The following PRELID2 variants were observed in gnomAD, a reference collection of about 807,000 sequenced individuals.
PRELID2 encodes the protein PRELI domain-containing protein 2.
Under a neutral mutation model 28.4 loss-of-function variants are expected in PRELID2, and 25 were observed. The ratio of observed to expected loss-of-function variants is 0.88; its 90% CI spans 0.64 to 1.23. The LOEUF is 1.23. PRELID2 is among the 50% of genes most tolerant of loss of function. The pLI, the probability that PRELID2 is intolerant of heterozygous loss-of-function variation, is 0.00. For synonymous variants in PRELID2, 76 were observed against 71.6 expected, an observed-to-expected ratio of 1.06 and a Z score of -0.31; for missense variants, 201 against 214.4, an observed-to-expected ratio of 0.94 and a Z score of 0.39.
intron 1 of PRELID2, among the ~76,000 whole-genome samples, chr5:145,504,378 G>C (rs1752387866): frequency 6.6e-6 from 1 of 152,096 alleles, no homozygotes; most frequent in Admixed American, 6.6e-5. Context: ...ATAAACAGAA[G>C]CTACTAATTT....
chr5:145,582,556 G>T (rs1753116308), intron 1 of PRELID2, among the ~76,000 whole-genome samples: 1 of 151,958 alleles, frequency 6.6e-6, no homozygotes, highest in Admixed American at 6.6e-5. Context: ...TCAAAGCACT[G>T]TCTCAGAGTC....
the PRELID2 span, among the ~76,000 whole-genome samples, chr5:145,366,911 T>C: frequency 5.9e-5 from 9 of 151,898 alleles, no homozygotes; most frequent in African/African-American, 2.2e-4. Flanking sequence ...ATTTATCATA[T>C]TGGAGTAGGA....
At chr5:145,571,929 C>T (rs1251553054) in intron 1 of PRELID2, among the ~76,000 whole-genome samples, 4 of 151,380 alleles carry the variant, frequency 2.6e-5, no homozygotes, top group African/African-American at 9.7e-5. Flanking sequence ...TTGCTGTGAG[C>T]CGAGATTACA....
chr5:145,430,670 G>A, the PRELID2 span, among the ~76,000 whole-genome samples: 37 of 152,060 alleles, frequency 2.4e-4, no homozygotes, highest in African/African-American at 6.5e-4. Context: ...TTTGATTTGC[G>A]TAGTTTTCTT....
the PRELID2 span, among the ~76,000 whole-genome samples, chr5:145,415,080 A>G: frequency 1.1e-4 from 16 of 152,268 alleles, 1 homozygote; most frequent in East Asian, 3.1e-3. Context: ...AAAATTGATC[A>G]CATAATTGGA....
chr5:145,694,597 G>C (rs929672520), intron 1 of PRELID2, among the ~76,000 whole-genome samples: 18 of 152,066 alleles, frequency 1.2e-4, no homozygotes, highest in African/African-American at 3.6e-4. Context: ...ATGAAGTAAG[G>C]TATGACTGTA....
intron 1 of PRELID2, among the ~76,000 whole-genome samples, chr5:145,614,759 T>A (rs908068318): frequency 6.6e-6 from 1 of 152,132 alleles, no homozygotes; most frequent in Non-Finnish European, 1.5e-5. Flanking sequence ...AGATAAACAA[T>A]CATATCATCA....
the PRELID2 span, among the ~76,000 whole-genome samples, chr5:145,252,921 A>G: frequency 6.6e-6 from 1 of 152,176 alleles, no homozygotes; most frequent in Non-Finnish European, 1.5e-5. Flanking sequence ...GATACATTTT[A>G]TGTTAGGTAA....
At chr5:145,318,492 T>A in the PRELID2 span, among the ~76,000 whole-genome samples, 2 of 152,354 alleles carry the variant, frequency 1.3e-5, no homozygotes, top group Non-Finnish European at 2.9e-5. Context: ...TAACATGCCT[T>A]CGTATGCACT....
the PRELID2 span, among the ~76,000 whole-genome samples, chr5:145,319,476 C>A: frequency 0.56 from 84,262 of 151,744 alleles, 25,354 homozygotes; most frequent in South Asian, 0.86. Flanking sequence ...TGAGACCAGC[C>A]TGGCCAACAT....
At chr5:145,273,052 G>T in the PRELID2 span, among the ~76,000 whole-genome samples, 2 of 152,070 alleles carry the variant, frequency 1.3e-5, no homozygotes, top group Non-Finnish European at 2.9e-5. Context: ...GATCTTGATC[G>T]CCATGCTGGA....
At chr5:145,313,480 C>T in the PRELID2 span, among the ~76,000 whole-genome samples, 53 of 152,316 alleles carry the variant, frequency 3.5e-4, no homozygotes, top group African/African-American at 1.2e-3. Context: ...AACCTGTTCA[C>T]CTTAGAATAT....
rs1251279279 is a variant in PRELID2 at position 145,600,433 on chromosome 5, A to AT, written n.71-127119_71-127118insA. ...CTCTCAGGGGGGGAAAAAAAAAAAA[A>AT]AATATATATATATATATATATGTAT... On this transcript the variant is annotated intron_variant and non_coding_transcript_variant, in intron 1 of 2. Coordinates refer to the PRELID2 transcript ENST00000510259. 1.9e-3 allele frequency among the ~76,000 whole-genome samples: 244 copies of AT among 129,594 alleles called. 2 individuals are homozygous for AT. Among genetic ancestry groups the AT allele is most frequent in the East Asian group, 9.8e-3 (47 of 4,816 alleles). The allele number at this position is 129,594 out of a possible 152,430, so 85.0% of individuals were successfully genotyped here.
chr5:145,788,766 C>T (rs149955678), intron 5 of PRELID2, among the ~76,000 whole-genome samples: 24 of 151,656 alleles, frequency 1.6e-4, no homozygotes, highest in African/African-American at 5.1e-4. Context: ...TATATAAAAC[C>T]CTAAAGACTC....
the PRELID2 span, among the ~76,000 whole-genome samples, chr5:145,379,645 A>G: frequency 6.6e-6 from 1 of 152,148 alleles, no homozygotes; most frequent in African/African-American, 2.4e-5. Flanking sequence ...AGCGGGGAGC[A>G]GGGATGGAGC....
chr5:145,646,968 G>A (rs982031704), intron 1 of PRELID2, among the ~76,000 whole-genome samples: 2 of 152,192 alleles, frequency 1.3e-5, no homozygotes, highest in African/African-American at 4.8e-5. Context: ...CCACTGGGAG[G>A]TGTCTCCCAG....
intron 5 of PRELID2, among the ~76,000 whole-genome samples, chr5:145,789,847 T>A (rs892476990): frequency 6.6e-6 from 1 of 151,750 alleles, no homozygotes; most frequent in Admixed American, 6.6e-5. Flanking sequence ...GACAGCTATT[T>A]CCCACAAGAA....
At chr5:145,567,343 A>ATGGTTTGTTTTGGTTTGGTT (rs373786888) in intron 1 of PRELID2, among the ~76,000 whole-genome samples, 3,016 of 146,310 alleles carry the variant, frequency 0.021, 94 homozygotes, top group African/African-American at 0.067. Context: ...ATGAGATCTG[A>ATGGTTTGTTTTGGTTTGGTT]TGGTTTGGTT....
intron 1 of PRELID2, among the ~76,000 whole-genome samples, chr5:145,680,667 T>A (rs935955943): frequency 6.6e-6 from 1 of 152,190 alleles, no homozygotes; most frequent in African/African-American, 2.4e-5. Context: ...AGAGGGTAAT[T>A]AATTGCCTTG....
Sources: gnomAD v4.1 joint callset for allele counts (sites outside exome capture counted in the v4.1 genomes callset) on GRCh38, gnomAD v4.1.1 for gene constraint, MANE v1.5 for transcripts, NCBI Gene and HGNC (gene_info 2026-07-23, HGNC 2026-07-21) for gene names.